Variants in ZFPM1 observed in about 807,000 individuals in gnomAD.
ZFPM1 encodes zinc finger protein, FOG family member 1.
Under a neutral mutation model 46.3 loss-of-function variants are expected in ZFPM1, and 28 were observed. The observed-to-expected ratio is 0.60, with a 90% confidence interval of 0.45 to 0.83. ZFPM1 has a LOEUF of 0.83. Ranked by LOEUF, ZFPM1 falls within the 40% of genes least tolerant of loss-of-function variation. ZFPM1 has a pLI of 0.00. For synonymous variants in ZFPM1, 957 were observed against 675.9 expected, an observed-to-expected ratio of 1.42 and a Z score of -6.45; for missense variants, 1,878 against 1,432.4, an observed-to-expected ratio of 1.31 and a Z score of -5.02.
chr16:88,526,765 C>G, intron 4 of ZFPM1, 49 bp from the exon 5 acceptor site: 1 of 1,529,748 alleles, frequency 6.5e-7, no homozygotes, highest in Non-Finnish European at 8.8e-7. Flanking sequence ...AACCCCCAGG[C>G]AGGCTGCTGA....
intron 2 of ZFPM1, among the ~76,000 whole-genome samples, chr16:88,487,938 T>G (rs1266815237): frequency 6.6e-6 from 1 of 152,210 alleles, no homozygotes; most frequent in African/African-American, 2.4e-5. Flanking sequence ...CACTCCTCCC[T>G]GTCCTTGCCG....
chr16:88,483,755 G>A (rs1909070057), intron 1 of ZFPM1, among the ~76,000 whole-genome samples: 1 of 152,186 alleles, frequency 6.6e-6, no homozygotes, highest in Non-Finnish European at 1.5e-5. Context: ...TCAGCAGAAG[G>A]CAGAAAAGGC....
In ZFPM1 at chr16:88,472,263, C is replaced by T. The variant is rs11865450; in HGVS notation, c.41-13676C>T. On this transcript the variant is annotated intron_variant, in intron 1 of 9. Transcript: ENST00000319555. ...GCAGGGATGTGCCAGCTCTGCGCCT[C>T]GGTCCCAGGAGAAAGGGAAGAGGCA... Among the ~76,000 whole-genome samples the T allele has an allele frequency of 5.0e-3, 764 of 152,118 alleles. 6 individuals carry two copies. The highest frequency in any genetic ancestry group is 0.017 in the African/African-American group (716 of 41,486).
intron 2 of ZFPM1, among the ~76,000 whole-genome samples, chr16:88,488,714 C>T (rs1489975855): frequency 1.3e-5 from 2 of 152,170 alleles, no homozygotes; most frequent in African/African-American, 4.8e-5. Flanking sequence ...GCAGAGGGGA[C>T]CAGGGAGCTG....
chr16:88,527,033 G>C (rs902556514), intron 5 of ZFPM1, 117 bp downstream of exon 5: 1 of 1,439,636 alleles, frequency 6.9e-7, no homozygotes, highest in African/African-American at 1.4e-5. Context: ...ATGGGGCACA[G>C]GGAGCTGCTG....
In ZFPM1 at chr16:88,453,538, G is replaced by A; in HGVS notation, c.-101G>A. ...GGGGCGGCCGCGGAGACCGGGGGCC[G>A]GGGGCATGAGCGGCCCCGCGGCCCC... On this transcript the variant is annotated 5_prime_UTR_variant, in exon 1 of 10. Transcript: ENST00000319555. 3 of 522,596 alleles carry A rather than the reference G, an allele frequency of 5.7e-6. No individual in the cohort carries two copies. The highest frequency in any genetic ancestry group is 8.1e-5 in the South Asian group (1 of 12,314). 32.4% of individuals were successfully genotyped at this position (522,596 alleles called of 1,614,324 possible).
intron 7 of ZFPM1, 130 bp downstream of exon 7, chr16:88,532,365 AC>A (rs1912856939): frequency 1.9e-6 from 2 of 1,031,798 alleles, no homozygotes; most frequent in African/African-American, 1.6e-5. Context: ...TCTCCGGCAC[AC>A]CCAGGGCCCC....
At chr16:88,487,196 G>A (rs1053246205) in intron 2 of ZFPM1, among the ~76,000 whole-genome samples, 4 of 152,188 alleles carry the variant, frequency 2.6e-5, no homozygotes, top group Non-Finnish European at 5.9e-5. Flanking sequence ...GGACAGAGGT[G>A]CCAGGAGAGG....
intron 3 of ZFPM1, among the ~76,000 whole-genome samples, chr16:88,492,815 G>A (rs1469133643): frequency 6.6e-6 from 1 of 152,124 alleles, no homozygotes; most frequent in Non-Finnish European, 1.5e-5. Context: ...AGGCAGAGAG[G>A]AGGCCTCCCA....
intron 3 of ZFPM1, among the ~76,000 whole-genome samples, chr16:88,513,772 T>C (rs556611149): frequency 3.3e-5 from 5 of 152,308 alleles, no homozygotes; most frequent in African/African-American, 9.6e-5. Context: ...ACCAGGCTCC[T>C]TCCAGAGGCT....
At chr16:88,518,921 AGATGGATG>A (rs1286280163) in intron 4 of ZFPM1, among the ~76,000 whole-genome samples, 3 of 139,228 alleles carry the variant, frequency 2.2e-5, no homozygotes, top group African/African-American at 5.5e-5. Flanking sequence ...GATAGTGGGT[AGATGGATG>A]GATGGTTGGG....
At chr16:88,499,420 G>A (rs116235429) in intron 3 of ZFPM1, among the ~76,000 whole-genome samples, 3,974 of 152,354 alleles carry the variant, frequency 0.026, 176 homozygotes, top group African/African-American at 0.091. Context: ...GCCGCGCAGC[G>A]GGTGGGAGAC....
At chr16:88,467,016 G>A (rs1908166489) in intron 1 of ZFPM1, among the ~76,000 whole-genome samples, 1 of 152,084 alleles carries the variant, frequency 6.6e-6, no homozygotes, top group Admixed American at 6.5e-5. Flanking sequence ...CTGGGGTGGG[G>A]CCACCTCTCC....
At chr16:88,526,698 C>T (rs1411461392) in intron 4 of ZFPM1, 116 bp from the exon 5 acceptor site, 10 of 1,152,510 alleles carry the variant, frequency 8.7e-6, no homozygotes, top group South Asian at 1.5e-5. Flanking sequence ...CACAGCTTGG[C>T]CTACCAGCCA....
chr16:88,472,498 C>A (rs1284552807), intron 1 of ZFPM1, among the ~76,000 whole-genome samples: 1 of 151,666 alleles, frequency 6.6e-6, no homozygotes, highest in East Asian at 1.9e-4. Flanking sequence ...GGACTATAGG[C>A]GCCTGCCACC....
In ZFPM1 at chr16:88,532,084, C is replaced by T. The variant is rs531638478; in HGVS notation, c.795C>T (p.Ala265=). The change falls in exon 7 of 10, where the codon GCC becomes GCT. Residue 265 remains alanine (A), a synonymous_variant. Transcript: ENST00000319555. ...NLQAHLLYYC[A]SRQGTGSPAA... ...AGGCGCACCTGCTCTACTACTGCGC[C>T]AGCCGCCAGGGCACCGGCTCCCCGG... 25 of 1,612,488 alleles carry T rather than the reference C, an allele frequency of 1.6e-5. No homozygotes were observed. In the South Asian group the frequency reaches 2.5e-4, roughly 16 times the overall value.
chr16:88,519,942 GATGGATGA>G lies in ZFPM1; in HGVS notation c.402+5430_402+5437del, dbSNP rs1189503189. On this transcript the variant is annotated intron_variant, in intron 4 of 9. Transcript: ENST00000319555. ...AGATGGATAGATGGATGAGTGGATG[GATGGATGA>G]ATGGATGGATGGATGGATGGATAGT... Among the ~76,000 whole-genome samples, 245 of 144,492 alleles carry G rather than the reference GATGGATGA, an allele frequency of 1.7e-3. 1 individual carries two copies. The highest frequency in any genetic ancestry group is 5.9e-3 in the African/African-American group (234 of 39,404). 94.8% of individuals were successfully genotyped at this position (144,492 alleles called of 152,430 possible). A position where few individuals can be genotyped will look rare whatever the true frequency, so the allele number is the denominator to read the frequency against.
chr16:88,534,451 C>A lies in ZFPM1; in HGVS notation c.2493C>A (p.Ala831=), dbSNP rs1185755736. Residue 831 remains alanine (A), a synonymous_variant, in exon 10 of 10, where the codon GCC becomes GCA. Transcript: ENST00000319555. ...ACRVSFHSLE[A]YLAHKKYSCP... is the part of the protein sequence containing the mutation. Reference sequence around the variant, plus strand: ...GCGTGAGCTTCCACAGCCTCGAGGCCTACCTGGCGCACAAGAAGTACTCGT... The same window carrying A: ...GCGTGAGCTTCCACAGCCTCGAGGCATACCTGGCGCACAAGAAGTACTCGT... 1.3e-6 allele frequency: 2 copies of A among 1,497,270 alleles called. No individual in the cohort carries two copies. Among genetic ancestry groups the A allele is most frequent in the South Asian group, 1.2e-5 (1 of 82,326 alleles). 92.7% of individuals were successfully genotyped at this position (1,497,270 alleles called of 1,614,324 possible).
chr16:88,488,881 C>G, intron 2 of ZFPM1, 150 bp from the exon 3 acceptor site: 3 of 1,194,762 alleles, frequency 2.5e-6, no homozygotes, highest in Non-Finnish European at 3.5e-6. Context: ...CTGTCCCACC[C>G]CAGTGAGAGC....
Sources: allele counts gnomAD v4.1 joint callset (sites outside exome capture counted in the v4.1 genomes callset), GRCh38; gene constraint gnomAD v4.1.1; transcripts MANE v1.5; gene names NCBI Gene and HGNC (gene_info 2026-07-23, HGNC 2026-07-21).